The following ARHGAP44 variants were observed in gnomAD, a reference collection of about 807,000 sequenced individuals.
ARHGAP44 encodes the protein rho GTPase-activating protein 44.
Under a neutral mutation model 106.8 loss-of-function variants are expected in ARHGAP44, and 43 were observed. That is an observed-to-expected ratio of 0.40 (90% CI 0.32 to 0.52). The LOEUF is 0.52. ARHGAP44 is among the 20% of genes least tolerant of loss of function. ARHGAP44 has a pLI of 0.48. For missense variants in ARHGAP44, 866 were observed against 1,050.5 expected (o/e 0.82, Z 2.43); for synonymous variants, 439 against 410.3 (o/e 1.07, Z -0.85).
chr17:12,858,891 G>T (rs1420041042), intron 1 of ARHGAP44, among the ~76,000 whole-genome samples: 2 of 152,158 alleles, frequency 1.3e-5, no homozygotes, highest in Non-Finnish European at 2.9e-5. Flanking sequence ...ATGGTGGCAG[G>T]CAAGAGAGAA....
At chr17:12,981,698 A>T (rs1369886586) in intron 19 of ARHGAP44, among the ~76,000 whole-genome samples, 1 of 149,596 alleles carries the variant, frequency 6.7e-6, no homozygotes, top group Non-Finnish European at 1.5e-5. Flanking sequence ...GTACCCGGCC[A>T]GGCACCTCTT....
chr17:12,889,812 T>A lies in ARHGAP44; in HGVS notation c.54-5128T>A, dbSNP rs78174247. On this transcript the variant is annotated intron_variant, in intron 1 of 20. Coordinates refer to ENST00000379672, the MANE Select transcript of ARHGAP44 (RefSeq NM_014859.6). ...TGAAATCGAAACAAGTAATCTACCT[T>A]AAAATGCAGTGGAGGGAAAGACATG... 2.6e-3 allele frequency among the ~76,000 whole-genome samples: 396 copies of A among 152,230 alleles called. 10 individuals are homozygous for A. The East Asian group carries it at 0.044, about 17-fold the overall frequency.
chr17:12,921,594 A>G (rs1365914099), intron 6 of ARHGAP44, among the ~76,000 whole-genome samples: 1 of 152,152 alleles, frequency 6.6e-6, no homozygotes, highest in African/African-American at 2.4e-5. Flanking sequence ...AATTTTAATC[A>G]TCTTCACAGC....
intron 3 of ARHGAP44, among the ~76,000 whole-genome samples, chr17:12,897,670 G>A (rs975029713): frequency 1.3e-5 from 2 of 150,594 alleles, no homozygotes; most frequent in South Asian, 2.1e-4. Context: ...GAACGGTTCC[G>A]GATGGGGGTG....
chr17:12,943,169 G>C lies in ARHGAP44; in HGVS notation c.652-419G>C, dbSNP rs142642809. Among the ~76,000 whole-genome samples, 452 of 152,314 alleles carry C rather than the reference G, an allele frequency of 3.0e-3. 9 individuals carry two copies. In the East Asian group the frequency reaches 0.057, roughly 19 times the overall value. ...TGATCCTCCAGCCTCAGTCTCCTGA[G>C]TAGCTGGGATTACAGGCATGAGCCA... On this transcript the variant is annotated intron_variant, in intron 8 of 20. Coordinates refer to ENST00000379672, the MANE Select transcript of ARHGAP44 (RefSeq NM_014859.6).
At chr17:12,971,793 G>T (rs1490538244) in intron 16 of ARHGAP44, among the ~76,000 whole-genome samples, 1 of 152,110 alleles carries the variant, frequency 6.6e-6, no homozygotes, top group Non-Finnish European at 1.5e-5. Context: ...CCTCCTTGAA[G>T]CCATCCAGCG....
At chr17:12,795,220 C>T (rs2033884246) in intron 1 of ARHGAP44, among the ~76,000 whole-genome samples, 1 of 152,196 alleles carries the variant, frequency 6.6e-6, no homozygotes, top group Non-Finnish European at 1.5e-5. Context: ...TATGGAAGCC[C>T]AGGCCTTACT....
chr17:12,990,137 A>ACTC lies in ARHGAP44; in HGVS notation c.2424_2426dup (p.Ser809dup). ...CGACACTCAGTAACTGACAAGAGGGACTCGGAGGAGGAGTCTGAGAGCACC... is the reference window on the plus strand; with the variant it reads ...CGACACTCAGTAACTGACAAGAGGGACTCCTCGGAGGAGGAGTCTGAGAGCACC... On this transcript the variant is annotated inframe_insertion, in exon 21 of 21. Coordinates refer to ENST00000379672, the MANE Select transcript of ARHGAP44 (RefSeq NM_014859.6). 3 of 1,612,948 alleles carry ACTC rather than the reference A, an allele frequency of 1.9e-6. No homozygotes were observed. Among genetic ancestry groups the ACTC allele is most frequent in the Non-Finnish European group, 2.5e-6 (3 of 1,179,460 alleles).
At chr17:12,967,267 T>C (rs909230070) in intron 16 of ARHGAP44, among the ~76,000 whole-genome samples, 8 of 113,460 alleles carry the variant, frequency 7.1e-5, no homozygotes, top group African/African-American at 2.7e-4. Context: ...TTTTTTTTTT[T>C]TTTTTTTTCC....
At chr17:12,954,598 G>C (rs926537016) in intron 13 of ARHGAP44, among the ~76,000 whole-genome samples, 1 of 152,104 alleles carries the variant, frequency 6.6e-6, no homozygotes, top group Non-Finnish European at 1.5e-5. Flanking sequence ...TTTCTACCGG[G>C]CTCACGAAGG....
rs1240878979 is a variant in ARHGAP44, at chr17:12,802,946, TATATATATATATATATATATA to T, written c.53+13056_53+13076del. ...GCTAATTTATATATATATATATATATATATATATATATATATATATATATTTTTTTTTTTTTTTTTTTTTGA... is the reference window on the plus strand; with the variant it reads ...GCTAATTTATATATATATATATATATTATTTTTTTTTTTTTTTTTTTTTGA... On this transcript the variant is annotated intron_variant, in intron 1 of 20. Transcript: ENST00000379672. Among the ~76,000 whole-genome samples, 84 of 20,308 alleles carry T rather than the reference TATATATATATATATATATATA, an allele frequency of 4.1e-3. 8 individuals are homozygous for T. The highest frequency in any genetic ancestry group is 0.016 in the African/African-American group (69 of 4,290). 13.3% of individuals were successfully genotyped at this position (20,308 alleles called of 152,430 possible).
At chr17:12,893,142 T>C (rs1598009512) in intron 1 of ARHGAP44, among the ~76,000 whole-genome samples, 1 of 152,166 alleles carries the variant, frequency 6.6e-6, no homozygotes, top group African/African-American at 2.4e-5. Context: ...TTGTTTCTGA[T>C]GAGCTGGGGT....
intron 3 of ARHGAP44, among the ~76,000 whole-genome samples, chr17:12,905,380 T>C (rs2037518163): frequency 6.6e-6 from 1 of 152,194 alleles, no homozygotes; most frequent in Admixed American, 6.5e-5. Context: ...TGAGAAAATG[T>C]AGCTTCCTTG....
intron 19 of ARHGAP44, chr17:12,980,999 C>G (rs1374089874): frequency 6.6e-6 from 1 of 152,188 alleles, no homozygotes; most frequent in Non-Finnish European, 1.5e-5. Flanking sequence ...ATGACAGGCC[C>G]TTTTCCAGCC....
chr17:12,842,962 A>G (rs2150833311), intron 1 of ARHGAP44, among the ~76,000 whole-genome samples: 1 of 152,102 alleles, frequency 6.6e-6, no homozygotes, highest in South Asian at 2.1e-4. Flanking sequence ...TATTCTCCTA[A>G]CTCCAAGGCT....
chr17:12,958,912 CTCTT>C lies in ARHGAP44; in HGVS notation c.1523+19_1523+22del. 5.6e-6 allele frequency: 9 copies of C among 1,595,808 alleles called. No homozygotes were observed. The highest frequency in any genetic ancestry group is 7.7e-6 in the Non-Finnish European group (9 of 1,170,870). On this transcript the variant is annotated intron_variant, in intron 16 of 20. Transcript: ENST00000379672. The surrounding 1 kb of genome is among the most constrained non-coding windows in gnomAD (Gnocchi z 4.1). ...AAAAAGGATGGGTATGAACTGGTGT[CTCTT>C]TCTCAGCACTGGGGATTAGGGGAGG...
intron 6 of ARHGAP44, among the ~76,000 whole-genome samples, chr17:12,922,284 C>T (rs977623289): frequency 2.0e-5 from 3 of 152,164 alleles, no homozygotes; most frequent in African/African-American, 7.2e-5. Flanking sequence ...TAAAATTATT[C>T]TGATGCAAAT....
chr17:12,899,124 C>T (rs2037300197), intron 3 of ARHGAP44, among the ~76,000 whole-genome samples: 1 of 152,128 alleles, frequency 6.6e-6, no homozygotes, highest in Non-Finnish European at 1.5e-5. Context: ...GTGTGCGCCA[C>T]CATGCCCAGC....
At chr17:12,973,675 G>A (rs1405513776) in intron 17 of ARHGAP44, 26 of 472,614 alleles carry the variant, frequency 5.5e-5, no homozygotes, top group East Asian at 3.8e-5. Flanking sequence ...CTCCCACCTC[G>A]TCTTGCACTT....
Sources: allele counts gnomAD v4.1 joint callset (sites outside exome capture counted in the v4.1 genomes callset), GRCh38; gene constraint gnomAD v4.1.1; non-coding constraint Gnocchi (gnomAD v3.1); transcripts MANE v1.5; gene names NCBI Gene and HGNC (gene_info 2026-07-23, HGNC 2026-07-21).